SHROOM3: variants seen among roughly 807,000 people sequenced by gnomAD.
The protein encoded by SHROOM3 is protein Shroom3.
Under a neutral mutation model 138.6 loss-of-function variants are expected in SHROOM3, and 47 were observed. The observed-to-expected ratio is 0.34, with a 90% CI of 0.27 to 0.43. The LOEUF (loss-of-function observed/expected upper bound fraction) is 0.43. Ranked by LOEUF, SHROOM3 falls within the 20% of genes least tolerant of loss-of-function variation. The probability of loss-of-function intolerance (pLI) is 1.00; values close to 1 mark genes in which losing one functional copy is unlikely to be tolerated. For synonymous variants in SHROOM3, 1,062 were observed against 1,063.3 expected, an observed-to-expected ratio of 1.00 and a Z score of 0.02; for missense variants, 2,491 against 2,596.5, an observed-to-expected ratio of 0.96 and a Z score of 0.88.
chr4:76,735,851 AAAAAAAAAAAAAAAAAAATATATATAT>A (rs1196117728), intron 4 of SHROOM3, among the ~76,000 whole-genome samples: 2 of 62,114 alleles, frequency 3.2e-5, no homozygotes, highest in Admixed American at 2.0e-4. Flanking sequence ...AAAAAAAAAA[AAAAAAAAAAAAAAAAAAATATATATAT>A]ATATATATAT....
At chr4:76,534,495 C>T (rs7691227) in intron 1 of SHROOM3, among the ~76,000 whole-genome samples, 100,484 of 151,810 alleles carry the variant, frequency 0.66, 33,641 homozygotes, top group East Asian at 0.94. Flanking sequence ...AGCAGTTGCT[C>T]GATATATATT....
chr4:76,574,257 G>A (rs147266217), intron 2 of SHROOM3, among the ~76,000 whole-genome samples: 2 of 152,204 alleles, frequency 1.3e-5, no homozygotes, highest in East Asian at 1.9e-4. Flanking sequence ...TTCTTTGCAC[G>A]ATGGGAAAAT....
chr4:76,469,698 C>T lies in SHROOM3; in HGVS notation c.168+33478C>T, dbSNP rs190868012. 4.0e-3 allele frequency among the ~76,000 whole-genome samples: 614 copies of T among 152,306 alleles called. 5 individuals are homozygous for T. The highest frequency in any genetic ancestry group is 0.014 in the African/African-American group (562 of 41,558). Reference sequence around the variant, plus strand: ...TCACAAACTCCTGAGCTCAGGCAGTCGACCTGCCTTGGCCTCCCAAAGTGC... The same window carrying T: ...TCACAAACTCCTGAGCTCAGGCAGTTGACCTGCCTTGGCCTCCCAAAGTGC... On this transcript the variant is annotated intron_variant, in intron 1 of 10. Coordinates refer to ENST00000296043, the MANE Select transcript of SHROOM3 (RefSeq NM_020859.4).
At chr4:76,698,031 C>A (rs2110111338) in intron 2 of SHROOM3, among the ~76,000 whole-genome samples, 1 of 152,266 alleles carries the variant, frequency 6.6e-6, no homozygotes, top group East Asian at 1.9e-4. Context: ...AAGCTGTAAA[C>A]CATTACTTTT....
At chr4:76,534,015 A>G (rs1443515744) in intron 1 of SHROOM3, among the ~76,000 whole-genome samples, 1 of 152,168 alleles carries the variant, frequency 6.6e-6, no homozygotes, top group East Asian at 1.9e-4. Context: ...TAAAATTATT[A>G]TTTATAAGGT....
chr4:76,738,834 G>A lies in SHROOM3; in HGVS notation c.661G>A (p.Gly221Arg), dbSNP rs1456385485. The A allele has an allele frequency of 1.2e-6, 2 of 1,614,044 alleles. No individual in the cohort carries two copies. Among genetic ancestry groups the A allele is most frequent in the Non-Finnish European group, 1.7e-6 (2 of 1,179,856 alleles). ...GAGCCCTGACCAGTGCAGCTCCCAGGGGAGCATGGAGAGCCTGGAGCCCAG... is the reference window on the plus strand; with the variant it reads ...GAGCCCTGACCAGTGCAGCTCCCAGAGGAGCATGGAGAGCCTGGAGCCCAG... ...RRSPDQCSSQ[G>R]SMESLEPSGA... Residue 221 changes from glycine to arginine, a missense_variant, in exon 5 of 11, where the codon GGG becomes AGG. By Grantham distance (125) the Gly-to-Arg change is moderately radical (BLOSUM62 -2). Transcript: ENST00000296043.
chr4:76,635,831 G>A (rs1294072985), intron 2 of SHROOM3, among the ~76,000 whole-genome samples: 1 of 152,200 alleles, frequency 6.6e-6, no homozygotes. Flanking sequence ...GCAAAAGCAC[G>A]CAGCAGAACT....
At position 76,741,098 on chromosome 4, in the gene SHROOM3, C is replaced by T; in HGVS notation, c.2925C>T (p.Ala975=). Residue 975 remains alanine (A), a synonymous_variant, in exon 5 of 11, where the codon GCC becomes GCT. Transcript: ENST00000296043. The surrounding 1 kb of genome is among the most constrained non-coding windows in gnomAD (Gnocchi z 6.2). ...GGCTGCGGAGCCCCGAGGCGTCGGCCTCCGCCTCCCCGCACACGCCCCGGG... is the reference window on the plus strand; with the variant it reads ...GGCTGCGGAGCCCCGAGGCGTCGGCTTCCGCCTCCCCGCACACGCCCCGGG... ...HVGLRSPEAS[A]SASPHTPRER... is the part of the protein sequence containing the mutation. 3 of 1,547,284 alleles carry T rather than the reference C, an allele frequency of 1.9e-6. No homozygotes were observed. Among genetic ancestry groups the T allele is most frequent in the African/African-American group, 1.4e-5 (1 of 72,992 alleles).
chr4:76,580,068 C>T (rs1051660332), intron 2 of SHROOM3, among the ~76,000 whole-genome samples: 8 of 152,194 alleles, frequency 5.3e-5, no homozygotes, highest in Non-Finnish European at 8.8e-5. Context: ...GCACAAGATG[C>T]CGGGTTAGGA....
At chr4:76,645,930 G>A (rs1735803585) in intron 2 of SHROOM3, among the ~76,000 whole-genome samples, 1 of 151,944 alleles carries the variant, frequency 6.6e-6, no homozygotes, top group Non-Finnish European at 1.5e-5. Flanking sequence ...GGTGAGAAGG[G>A]GACCGAAGAT....
At chr4:76,657,585 C>A (rs1736092525) in intron 2 of SHROOM3, among the ~76,000 whole-genome samples, 1 of 152,180 alleles carries the variant, frequency 6.6e-6, no homozygotes, top group South Asian at 2.1e-4. Context: ...TCAAAGTGTG[C>A]TCTGCTCTCC....
Position 76,756,821 on chromosome 4 carries a change from A to G in SHROOM3, c.5082A>G (p.Thr1694=). Residue 1694 remains threonine (T), a synonymous_variant, in exon 8 of 11, where the codon ACA becomes ACG. Transcript: ENST00000296043. ...TGGATCCAGACTCCAGGCTGAAGAC[A>G]ACAATGGACCTGATGGAAGGTTTGT... ...DILDPDSRLK[T]TMDLMEGLFP... is the part of the protein sequence containing the mutation. 6.2e-7 allele frequency: 1 copy of G among 1,614,222 alleles called. No homozygotes were observed. Among genetic ancestry groups the G allele is most frequent in the East Asian group, 2.2e-5 (1 of 44,882 alleles).
chr4:76,505,711 A>C (rs1732195862), intron 1 of SHROOM3, among the ~76,000 whole-genome samples: 1 of 142,750 alleles, frequency 7.0e-6, no homozygotes, highest in African/African-American at 2.6e-5. Context: ...CCCAGGCTGG[A>C]GTGCAGTGGC....
chr4:76,741,777 G>A lies in SHROOM3; in HGVS notation c.3604G>A (p.Gly1202Arg). The change falls in exon 5 of 11, where the codon GGG becomes AGG. Residue 1202 changes from glycine to arginine, a missense_variant. Gly to Arg is a moderately radical substitution (Grantham distance 125, BLOSUM62 -2). Around this residue, in one of 4 missense-constraint regions of SHROOM3, gnomAD observed 1,733 missense variants for 1,661.6 expected, o/e 1.04. Coordinates refer to ENST00000296043, the MANE Select transcript of SHROOM3 (RefSeq NM_020859.4). This position sits in a 1 kb window ranked among gnomAD's most constrained non-coding sequence, Gnocchi z 6.2. ...ANGGTRGTQR[G>R]DETPREPSSW... ...CGGTGGAACAAGGGGCACCCAGAGA[G>A]GGGATGAGACCCCCAGGGAGCCATC... The A allele has an allele frequency of 6.3e-7, 1 of 1,574,998 alleles. No homozygotes were observed. Among genetic ancestry groups the A allele is most frequent in the Non-Finnish European group, 8.6e-7 (1 of 1,160,742 alleles).
intron 1 of SHROOM3, among the ~76,000 whole-genome samples, chr4:76,469,408 C>A (rs1267623308): frequency 6.6e-6 from 1 of 151,974 alleles, no homozygotes; most frequent in Non-Finnish European, 1.5e-5. Context: ...CTAAGTCCCC[C>A]CACTTAAATT....
Position 76,739,061 on chromosome 4 carries a change from C to G in SHROOM3, c.888C>G (p.Leu296=), listed in dbSNP as rs777388129. 2.5e-6 allele frequency: 4 copies of G among 1,614,060 alleles called. No homozygotes were observed. In the South Asian group the frequency reaches 4.4e-5, roughly 18 times the overall value. The change falls in exon 5 of 11, where the codon CTC becomes CTG. Residue 296 remains leucine (L), a synonymous_variant. Transcript: ENST00000296043. ...MDNTSARGGL[L]EGMRQADIRY... ...ATACTTCTGCTCGAGGTGGCCTCCT[C>G]GAAGGGATGAGGCAGGCAGATATTC...
At chr4:76,727,887 C>CAAAAAAAAAAAAAAAAAAAAAAA (rs71212446) in intron 3 of SHROOM3, among the ~76,000 whole-genome samples, 7 of 96,250 alleles carry the variant, frequency 7.3e-5, no homozygotes, top group Admixed American at 1.1e-4. Flanking sequence ...GACTCCATCT[C>CAAAAAAAAAAAAAAAAAAAAAAA]AAAAAAAAAG....
chr4:76,599,907 G>C (rs1002819166), intron 2 of SHROOM3, among the ~76,000 whole-genome samples: 2 of 152,114 alleles, frequency 1.3e-5, no homozygotes, highest in African/African-American at 4.8e-5. Flanking sequence ...ATGGCACCTG[G>C]AATCCCAGCA....
At chr4:76,576,359 A>G (rs1733940994) in intron 2 of SHROOM3, among the ~76,000 whole-genome samples, 1 of 152,236 alleles carries the variant, frequency 6.6e-6, no homozygotes, top group Non-Finnish European at 1.5e-5. Flanking sequence ...AACATAGATC[A>G]AACTGGAGAT....
Sources: allele counts gnomAD v4.1 joint callset (sites outside exome capture counted in the v4.1 genomes callset), GRCh38; gene constraint gnomAD v4.1.1; regional missense constraint gnomAD v4.1.1; non-coding constraint Gnocchi (gnomAD v3.1); transcripts MANE v1.5; gene names NCBI Gene and HGNC (gene_info 2026-07-23, HGNC 2026-07-21).